Variants in WLS observed in about 807,000 individuals in gnomAD.
WLS encodes Wnt ligand secretion mediator.
Under a neutral mutation model 62.8 loss-of-function variants are expected in WLS, and 23 were observed. That is an observed-to-expected ratio of 0.37 (90% CI 0.26 to 0.52). The LOEUF (loss-of-function observed/expected upper bound fraction) is 0.52, where lower values mean the gene tolerates loss of function less well. WLS is among the 20% of genes least tolerant of loss of function. The pLI, the probability that WLS is intolerant of heterozygous loss-of-function variation, is 0.92. For missense variants in WLS, 615 were observed against 697.3 expected, an observed-to-expected ratio of 0.88 and a Z score of 1.33; for synonymous variants, 246 against 244.1, an observed-to-expected ratio of 1.01 and a Z score of -0.07.
At chr1:68,142,180 T>C (rs1204400096) in intron 10 of WLS, among the ~76,000 whole-genome samples, 1 of 152,228 alleles carries the variant, frequency 6.6e-6, no homozygotes, top group Non-Finnish European at 1.5e-5. Flanking sequence ...TCAGTCCTTC[T>C]TGACTTCAGG....
Position 68,204,350 on chromosome 1 carries a change from C to T in WLS, c.107-10123G>A, listed in dbSNP as rs769597970. Among the ~76,000 whole-genome samples the T allele has an allele frequency of 2.6e-5, 4 of 151,958 alleles. No individual in the cohort carries two copies. In the South Asian group the frequency reaches 6.2e-4, roughly 24 times the overall value. ...TAATTTTTTTTTTTAGACGGAGTCT[C>T]GCTCTGTCGTCCAGGCTGGAGTGCA... On this transcript the variant is annotated intron_variant, in intron 1 of 11. Coordinates refer to ENST00000262348, the MANE Select transcript of WLS (RefSeq NM_024911.7).
intron 3 of WLS, among the ~76,000 whole-genome samples, chr1:68,157,880 C>T (rs139862970): frequency 4.1e-4 from 62 of 152,210 alleles, no homozygotes; most frequent in Non-Finnish European, 3.8e-4. Flanking sequence ...ATTCTGTATC[C>T]GAAAGCCATC....
intron 2 of WLS, among the ~76,000 whole-genome samples, chr1:68,193,000 G>A (rs988196017): frequency 3.3e-5 from 5 of 149,932 alleles, no homozygotes; most frequent in Admixed American, 6.6e-5. Context: ...TCCCAGCTAC[G>A]TGGGAGGCTG....
chr1:68,168,151 C>T (rs984477016), intron 2 of WLS, among the ~76,000 whole-genome samples: 7 of 152,014 alleles, frequency 4.6e-5, no homozygotes, highest in Admixed American at 3.9e-4. Flanking sequence ...GTCTAGTGTC[C>T]CCAAGAAATC....
chr1:68,129,883 G>T (rs1417175359), intron 11 of WLS, among the ~76,000 whole-genome samples: 1 of 152,142 alleles, frequency 6.6e-6, no homozygotes, highest in Non-Finnish European at 1.5e-5. Context: ...AAAGAAAAAA[G>T]AAAAGAATGC....
At chr1:68,129,502 T>C (rs1646487116) in intron 11 of WLS, among the ~76,000 whole-genome samples, 1 of 152,212 alleles carries the variant, frequency 6.6e-6, no homozygotes, top group African/African-American at 2.4e-5. Context: ...TGTATTTCCT[T>C]GTACGATGTG....
chr1:68,171,590 A>G (rs1647154474), intron 2 of WLS, among the ~76,000 whole-genome samples: 1 of 152,264 alleles, frequency 6.6e-6, no homozygotes, highest in African/African-American at 2.4e-5. Flanking sequence ...CATCAGAGAA[A>G]TGCAAATCAA....
intron 11 of WLS, among the ~76,000 whole-genome samples, chr1:68,103,801 T>C (rs1356346106): frequency 6.6e-6 from 1 of 152,182 alleles, no homozygotes; most frequent in Non-Finnish European, 1.5e-5. Context: ...GTCACCCACA[T>C]GCTGCTTGGG....
At chr1:68,177,298 C>A (rs544707448) in intron 2 of WLS, among the ~76,000 whole-genome samples, 1 of 152,150 alleles carries the variant, frequency 6.6e-6, no homozygotes, top group Non-Finnish European at 1.5e-5. Flanking sequence ...AATATGAATA[C>A]TAAATGTGCA....
chr1:68,124,788 T>C (rs1557456850), downstream of WLS, among the ~76,000 whole-genome samples: 1 of 152,128 alleles, frequency 6.6e-6, no homozygotes, highest in Admixed American at 6.5e-5. Flanking sequence ...GGGTGCTGAG[T>C]GGTGAATTAC....
At chr1:68,166,008 G>C (rs1177168088) in intron 2 of WLS, among the ~76,000 whole-genome samples, 1 of 152,178 alleles carries the variant, frequency 6.6e-6, no homozygotes, top group Non-Finnish European at 1.5e-5. Flanking sequence ...AGCTTCAAAA[G>C]TTATTCTAAT....
At chr1:68,130,941 T>A (rs1482632735) in intron 11 of WLS, among the ~76,000 whole-genome samples, 1 of 142,238 alleles carries the variant, frequency 7.0e-6, no homozygotes, top group Non-Finnish European at 1.5e-5. Context: ...TCACCCAGGC[T>A]GGAGTGGAGT....
At chr1:68,206,624 C>G (rs1019168970) in intron 1 of WLS, among the ~76,000 whole-genome samples, 2 of 152,178 alleles carry the variant, frequency 1.3e-5, no homozygotes, top group African/African-American at 4.8e-5. Context: ...TATTCCTGAA[C>G]TACTACAAAT....
chr1:68,197,322 A>G (rs1022569043), intron 1 of WLS, among the ~76,000 whole-genome samples: 17 of 152,230 alleles, frequency 1.1e-4, no homozygotes, highest in Non-Finnish European at 2.1e-4. Flanking sequence ...CTATAAAGAA[A>G]AAAAATCCCA....
Position 68,150,154 on chromosome 1 carries a change from G to A in WLS, c.972+34C>T, listed in dbSNP as rs757317625. On this transcript the variant is annotated intron_variant, in intron 6 of 11. Coordinates refer to ENST00000262348, the MANE Select transcript of WLS (RefSeq NM_024911.7). ...GCTTGGCAGCCTGCACAGAGCAGCT[G>A]GTACAGACGTCTGTCCCTCCCGGCG... The A allele has an allele frequency of 5.0e-6, 8 of 1,606,998 alleles. No individual in the cohort carries two copies. The East Asian group carries it at 1.6e-4, about 31-fold the overall frequency.
rs184351518 is a variant in WLS at position 68,227,342 on chromosome 1, G to A, written c.106+4852C>T. On this transcript the variant is annotated intron_variant, in intron 1 of 11. Transcript: ENST00000262348. ...TGAGGCAGGAGAATCACTTGAACCC[G>A]GGAGGCGGAGGTTGCAGTGAGCCAT... Among the ~76,000 whole-genome samples, 90 of 149,796 alleles carry A rather than the reference G, an allele frequency of 6.0e-4. 1 individual carries two copies. The East Asian group carries it at 0.011, about 19-fold the overall frequency.
chr1:68,147,499 A>G lies in WLS; in HGVS notation c.1134+637T>C, dbSNP rs138866905. Among the ~76,000 whole-genome samples the G allele has an allele frequency of 1.2e-3, 187 of 152,338 alleles. 2 individuals are homozygous for G. Among genetic ancestry groups the G allele is most frequent in the Non-Finnish European group, 2.1e-3 (141 of 68,034 alleles). ...CAAGCCTTTCTCTCCACTCCAGAGCAGAGTCTTTTTCTCCCAAGATCATTT... is the reference window on the plus strand; with the variant it reads ...CAAGCCTTTCTCTCCACTCCAGAGCGGAGTCTTTTTCTCCCAAGATCATTT... On this transcript the variant is annotated intron_variant, in intron 8 of 11. Transcript: ENST00000262348.
intron 3 of WLS, among the ~76,000 whole-genome samples, chr1:68,158,213 G>A (rs1243846835): frequency 1.3e-5 from 2 of 152,122 alleles, no homozygotes; most frequent in African/African-American, 2.4e-5. Flanking sequence ...GGTGTGCCCT[G>A]GGAATCTGCC....
rs116686233 is a variant in WLS, at chr1:68,208,709, A to G, written c.107-14482T>C. ...CTGGACCAAAGAGGCTATGTCTTCCATAGAGGCAACATGAGAAAGTAAGAG... is the reference window on the plus strand; with the variant it reads ...CTGGACCAAAGAGGCTATGTCTTCCGTAGAGGCAACATGAGAAAGTAAGAG... On this transcript the variant is annotated intron_variant, in intron 1 of 11. Coordinates refer to ENST00000262348, the MANE Select transcript of WLS (RefSeq NM_024911.7). Among the ~76,000 whole-genome samples, 461 of 152,322 alleles carry G rather than the reference A, an allele frequency of 3.0e-3. 3 individuals carry two copies. The highest frequency in any genetic ancestry group is 0.01 in the African/African-American group (436 of 41,568).
Sources: gnomAD v4.1 joint callset for allele counts (sites outside exome capture counted in the v4.1 genomes callset) on GRCh38, gnomAD v4.1.1 for gene constraint, MANE v1.5 for transcripts, NCBI Gene and HGNC (gene_info 2026-07-23, HGNC 2026-07-21) for gene names.